NUP133: variants seen among roughly 807,000 people sequenced by gnomAD.
The protein encoded by NUP133 is nucleoporin 133.
NUP133 carries 66 observed loss-of-function variants against 146.2 expected under a neutral mutation model. The ratio of observed to expected loss-of-function variants is 0.45; its 90% CI spans 0.37 to 0.55. The LOEUF is 0.55. NUP133 is among the 20% of genes least tolerant of loss of function. The pLI, the probability that NUP133 is intolerant of heterozygous loss-of-function variation, is 0.00. For missense variants in NUP133, 1,277 were observed against 1,374.8 expected, an observed-to-expected ratio of 0.93 and a Z score of 1.12; for synonymous variants, 521 against 498.8, an observed-to-expected ratio of 1.04 and a Z score of -0.59.
Position 229,495,891 on chromosome 1 carries a change from C to A in NUP133, c.975+1G>T, listed in dbSNP as rs780266233. 1 of 1,584,066 alleles carries A rather than the reference C, an allele frequency of 6.3e-7. No individual in the cohort carries two copies. The highest frequency in any genetic ancestry group is 1.9e-5 in the Admixed American group (1 of 52,966). ...CAGAGATGAATATTATTGTTTCTTA[C>A]CCAAATAGCATCGGTAATGTTTTCC... On this transcript the variant is annotated splice_donor_variant, in intron 7 of 25. Transcript: ENST00000261396. LOFTEE classifies it high-confidence loss of function.
intron 1 of NUP133, 58 bp from the exon 2 acceptor site, chr1:229,506,216 T>A (rs1277443366): frequency 7.5e-6 from 7 of 931,384 alleles, no homozygotes; most frequent in African/African-American, 3.3e-5. Context: ...ATTATCCTAA[T>A]TTTTTATGTA....
chr1:229,470,538 G>A, intron 15 of NUP133, 42 bp downstream of exon 15: 1 of 1,494,880 alleles, frequency 6.7e-7, no homozygotes, highest in Non-Finnish European at 9.3e-7. Flanking sequence ...ATCACTAAAT[G>A]GCACAGTTCT....
chr1:229,468,733 T>C (rs12059923), intron 15 of NUP133, among the ~76,000 whole-genome samples: 8 of 152,130 alleles, frequency 5.3e-5, no homozygotes, highest in Admixed American at 3.9e-4. Context: ...TAATTAATTT[T>C]AAAAAATTGT....
rs143669436 is a variant in NUP133, at chr1:229,498,713, G to A, written c.649-407C>T. On this transcript the variant is annotated intron_variant, in intron 5 of 25. Coordinates refer to ENST00000261396, the MANE Select transcript of NUP133 (RefSeq NM_018230.3). ...AGAGGTTGCAGTGAGCTGAGATTGC[G>A]CCACTGCAATCCAGCCTGGGTGACA... is the stretch of plus-strand genomic sequence containing the variant. Among the ~76,000 whole-genome samples the A allele has an allele frequency of 9.3e-3, 1,402 of 150,228 alleles. 19 individuals carry two copies. Among genetic ancestry groups the A allele is most frequent in the African/African-American group, 0.032 (1,289 of 40,824 alleles).
At chr1:229,444,286 G>A (rs1160879319) in intron 25 of NUP133, among the ~76,000 whole-genome samples, 2 of 151,860 alleles carry the variant, frequency 1.3e-5, no homozygotes, top group Non-Finnish European at 2.9e-5. Context: ...AGCTGAGATT[G>A]AGCCACTGCA....
rs1455089210 is a variant in NUP133, at chr1:229,440,737, A to C, written c.*1167T>G. ...ACCCAGACCCTAATGCTGTCCTAAC[A>C]TACAAGCTGCAAAGAGAAAAAGAAC... is the stretch of plus-strand genomic sequence containing the variant. On this transcript the variant is annotated 3_prime_UTR_variant, in exon 26 of 26. Transcript: ENST00000261396. The C allele has an allele frequency of 6.6e-6, 1 of 152,394 alleles. No homozygotes were observed. Among genetic ancestry groups the C allele is most frequent in the African/African-American group, 2.4e-5 (1 of 41,474 alleles). 9.4% of individuals were successfully genotyped at this position (152,394 alleles called of 1,614,324 possible). A position where few individuals can be genotyped will look rare whatever the true frequency, so the allele number is the denominator to read the frequency against.
intron 3 of NUP133, among the ~76,000 whole-genome samples, chr1:229,501,578 T>C (rs1490101256): frequency 6.6e-6 from 1 of 152,182 alleles, no homozygotes; most frequent in Non-Finnish European, 1.5e-5. Context: ...AAGTGAAAAG[T>C]TTAACTAGCA....
chr1:229,456,785 TTTA>T (rs1181844038), intron 21 of NUP133, among the ~76,000 whole-genome samples: 1 of 151,984 alleles, frequency 6.6e-6, no homozygotes, highest in Non-Finnish European at 1.5e-5. Flanking sequence ...ACACACACAT[TTTA>T]TTATGTATAT....
At chr1:229,502,168 CA>C (rs540944228) in intron 2 of NUP133, 66 bp from the exon 3 acceptor site, 345 of 1,190,032 alleles carry the variant, frequency 2.9e-4, no homozygotes, top group South Asian at 7.1e-4. Context: ...CACGCTTTAT[CA>C]AAAAAAAGTA....
intron 12 of NUP133, among the ~76,000 whole-genome samples, chr1:229,482,113 A>C (rs543564806): frequency 3.9e-5 from 6 of 152,362 alleles, no homozygotes; most frequent in African/African-American, 1.4e-4. Context: ...CATGTAAAAG[A>C]ACAAGATTAA....
intron 6 of NUP133, 139 bp from the exon 7 acceptor site, chr1:229,496,186 A>G: frequency 1.4e-6 from 1 of 704,434 alleles, no homozygotes; most frequent in Non-Finnish European, 2.1e-6. Flanking sequence ...GAAAGTAGTG[A>G]TCCTGGGCCG....
At chr1:229,454,070 C>A (rs1660512137) in intron 21 of NUP133, among the ~76,000 whole-genome samples, 1 of 152,112 alleles carries the variant, frequency 6.6e-6, no homozygotes, top group Non-Finnish European at 1.5e-5. Flanking sequence ...GTTCAAGGGT[C>A]AACTGAGTTT....
At position 229,465,472 on chromosome 1, in the gene NUP133, C is replaced by T; in HGVS notation, c.2247G>A (p.Leu749=). The T allele has an allele frequency of 3.7e-6, 6 of 1,613,942 alleles. No individual in the cohort carries two copies. Among genetic ancestry groups the T allele is most frequent in the Non-Finnish European group, 5.1e-6 (6 of 1,179,922 alleles). The change falls in exon 17 of 26, where the codon TTG becomes TTA. Residue 749 remains leucine (L), a synonymous_variant. Coordinates refer to ENST00000261396, the MANE Select transcript of NUP133 (RefSeq NM_018230.3). ...ASHYRQNRNS[L]YRREESLEKE... Reference sequence around the variant, plus strand: ...TTTCTAGTGATTCTTCTCTTCTATACAAAGAGTTTCTATTTTGGCGATAAT... The same window carrying T: ...TTTCTAGTGATTCTTCTCTTCTATATAAAGAGTTTCTATTTTGGCGATAAT...
chr1:229,446,107 T>C lies in NUP133; in HGVS notation c.3246-1105A>G, dbSNP rs78563832. Among the ~76,000 whole-genome samples, 637 of 152,176 alleles carry C rather than the reference T, an allele frequency of 4.2e-3. 6 individuals are homozygous for C. Among genetic ancestry groups the C allele is most frequent in the African/African-American group, 0.015 (610 of 41,522 alleles). On this transcript the variant is annotated intron_variant, in intron 24 of 25. Coordinates refer to ENST00000261396, the MANE Select transcript of NUP133 (RefSeq NM_018230.3). ...GTCCTCCTCTGCAGAAAGGATATGA[T>C]TGTGAGAAAGTAGTACTTGCCAGGC...
rs1558092677 is a variant in NUP133 at position 229,460,595 on chromosome 1, G to A, written c.2844+16C>T. ...ATAAATTGCACACATCTGCTCCATAGAAAAATCCTTCTTACCTTTTCTAAT... is the reference window on the plus strand; with the variant it reads ...ATAAATTGCACACATCTGCTCCATAAAAAAATCCTTCTTACCTTTTCTAAT... On this transcript the variant is annotated intron_variant, in intron 20 of 25. Transcript: ENST00000261396. 1 of 1,609,200 alleles carries A rather than the reference G, an allele frequency of 6.2e-7. No homozygotes were observed. Among genetic ancestry groups the A allele is most frequent in the South Asian group, 1.1e-5 (1 of 89,852 alleles).
Position 229,508,222 on chromosome 1 carries a change from T to C in NUP133, c.28A>G (p.Thr10Ala). The C allele has an allele frequency of 1.3e-6, 2 of 1,542,890 alleles. No homozygotes were observed. Among genetic ancestry groups the C allele is most frequent in the Non-Finnish European group, 1.7e-6 (2 of 1,147,504 alleles). Residue 10 changes from threonine to alanine, a missense_variant, in exon 1 of 26, where the codon ACC becomes GCC. Around this residue, in one of 3 missense-constraint regions of NUP133, gnomAD observed 319 missense variants for 306.9 expected, o/e 1.04. Transcript: ENST00000261396. Reference sequence around the variant, plus strand: ...CCCCTTCGGGACCCGGTACCCGGGGTCCGCGGAGAAGGGGCGGCTGGGAAC... The same window carrying C: ...CCCCTTCGGGACCCGGTACCCGGGGCCCGCGGAGAAGGGGCGGCTGGGAAC... MFPAAPSPRTPGTGSRRGPL... is the reference protein window; with the variant it reads MFPAAPSPRAPGTGSRRGPL...
chr1:229,456,457 C>T (rs191807702), intron 21 of NUP133, among the ~76,000 whole-genome samples: 85 of 152,208 alleles, frequency 5.6e-4, no homozygotes, highest in Non-Finnish European at 1.2e-3. Flanking sequence ...GTGGAATATA[C>T]CCTTTACTAC....
At chr1:229,480,219 G>C (rs941474030) in intron 12 of NUP133, among the ~76,000 whole-genome samples, 5 of 152,178 alleles carry the variant, frequency 3.3e-5, no homozygotes, top group Non-Finnish European at 7.3e-5. Context: ...TGTGAAGTAG[G>C]AAGTTAAGTC....
intron 15 of NUP133, among the ~76,000 whole-genome samples, chr1:229,468,103 G>C (rs1276573218): frequency 6.6e-6 from 1 of 152,098 alleles, no homozygotes; most frequent in African/African-American, 2.4e-5. Flanking sequence ...TGCTTTTCCA[G>C]AGCCCTGGGA....
Sources: allele counts gnomAD v4.1 joint callset (sites outside exome capture counted in the v4.1 genomes callset), GRCh38; gene constraint gnomAD v4.1.1; regional missense constraint gnomAD v4.1.1; transcripts MANE v1.5; gene names NCBI Gene and HGNC (gene_info 2026-07-23, HGNC 2026-07-21).